The following TBC1D5 variants were observed in gnomAD, a reference collection of about 807,000 sequenced individuals.
TBC1D5 encodes TBC1 domain family member 5.
A neutral mutation model predicts 100.3 loss-of-function variants in TBC1D5; 75 were observed. The observed-to-expected ratio is 0.75, with a 90% CI of 0.62 to 0.91. The LOEUF is 0.91. Ranked by LOEUF, TBC1D5 falls within the 40% of genes least tolerant of loss-of-function variation. The pLI is 0.00. For synonymous variants in TBC1D5, 323 were observed against 325.6 expected (o/e 0.99, Z 0.09); for missense variants, 910 against 942.4 (o/e 0.97, Z 0.45).
chr3:17,341,874 T>A (rs2089009718), intron 13 of TBC1D5, among the ~76,000 whole-genome samples: 1 of 152,168 alleles, frequency 6.6e-6, no homozygotes, highest in Non-Finnish European at 1.5e-5. Flanking sequence ...TTTATCTTCT[T>A]CCATAGTAGT....
intron 18 of TBC1D5, 69 bp downstream of exon 19, chr3:17,214,138 G>C: frequency 6.7e-7 from 1 of 1,492,880 alleles, no homozygotes. Context: ...CACTAACAGA[G>C]CTTTCATAAA....
chr3:17,280,111 G>A (rs2080421865), intron 15 of TBC1D5, among the ~76,000 whole-genome samples: 2 of 152,158 alleles, frequency 1.3e-5, no homozygotes, highest in African/African-American at 2.4e-5. Context: ...TTGTCTTCAC[G>A]GAGTTGATAT....
At chr3:17,424,020 A>T (rs2094280687) in intron 4 of TBC1D5, among the ~76,000 whole-genome samples, 1 of 151,620 alleles carries the variant, frequency 6.6e-6, no homozygotes, top group Admixed American at 6.6e-5. Flanking sequence ...TATATTGGGA[A>T]TTATGACATT....
intron 2 of TBC1D5, among the ~76,000 whole-genome samples, chr3:17,596,560 C>T (rs1335483164): frequency 2.0e-5 from 3 of 151,258 alleles, no homozygotes; most frequent in Non-Finnish European, 4.4e-5. Flanking sequence ...CCTCGTGATC[C>T]GCCCACCTTG....
chr3:17,531,942 A>G (rs2096232490), intron 2 of TBC1D5, among the ~76,000 whole-genome samples: 1 of 152,216 alleles, frequency 6.6e-6, no homozygotes, highest in African/African-American at 2.4e-5. Context: ...CTTCATGTCT[A>G]AAACACCAAA....
chr3:17,295,576 T>C (rs1166256815), intron 14 of TBC1D5, among the ~76,000 whole-genome samples: 1 of 152,232 alleles, frequency 6.6e-6, no homozygotes, highest in Non-Finnish European at 1.5e-5. Context: ...AAAGTAACTG[T>C]TTTGAGAAAG....
chr3:17,297,635 T>A, intron 14 of TBC1D5, among the ~76,000 whole-genome samples: 1 of 151,950 alleles, frequency 6.6e-6, no homozygotes, highest in East Asian at 1.9e-4. Flanking sequence ...CAGGCTATAG[T>A]CCAGTAGCAT....
chr3:17,161,785 C>T (rs926640236), intron 21 of TBC1D5, among the ~76,000 whole-genome samples: 1 of 152,224 alleles, frequency 6.6e-6, no homozygotes, highest in African/African-American at 2.4e-5. Flanking sequence ...CTATTACTGG[C>T]TAGAAGGATA....
In TBC1D5 at chr3:17,374,619, T is replaced by C; in HGVS notation, c.752+10A>G. On this transcript the variant is annotated intron_variant, in intron 11 of 21. Coordinates refer to ENST00000253692, the Ensembl canonical transcript of TBC1D5. Reference sequence around the variant, plus strand: ...TAAAAAAATAAAACAAAGAAAGTTTTTGTACTTACTAGGCATCATGTTCCA... The same window carrying C: ...TAAAAAAATAAAACAAAGAAAGTTTCTGTACTTACTAGGCATCATGTTCCA... 2 of 1,611,020 alleles carry C rather than the reference T, an allele frequency of 1.2e-6. No individual in the cohort carries two copies. Among genetic ancestry groups the C allele is most frequent in the Non-Finnish European group, 1.7e-6 (2 of 1,179,096 alleles).
intron 5 of TBC1D5, 136 bp downstream of exon 5, chr3:17,406,282 A>T (rs530444147): frequency 1.4e-6 from 1 of 693,280 alleles, no homozygotes; most frequent in Non-Finnish European, 2.4e-6. Flanking sequence ...TGAAAGATAA[A>T]CATAGATGGT....
chr3:17,645,858 T>C (rs1364540042), intron 1 of TBC1D5, among the ~76,000 whole-genome samples: 2 of 152,074 alleles, frequency 1.3e-5, no homozygotes, highest in Admixed American at 6.6e-5. Context: ...AGCACCAGCA[T>C]TCTCTCAGGA....
chr3:17,323,852 G>C (rs1252472699), intron 13 of TBC1D5, among the ~76,000 whole-genome samples: 1 of 152,030 alleles, frequency 6.6e-6, no homozygotes, highest in Non-Finnish European at 1.5e-5. Flanking sequence ...AAGAGCAAAG[G>C]ACTAAAAATA....
chr3:17,483,610 C>T (rs2095525361), intron 3 of TBC1D5, among the ~76,000 whole-genome samples: 1 of 152,032 alleles, frequency 6.6e-6, no homozygotes, highest in Non-Finnish European at 1.5e-5. Context: ...GCAATAATTA[C>T]AAAACTCACA....
intron 13 of TBC1D5, among the ~76,000 whole-genome samples, chr3:17,325,965 C>T (rs573561324): frequency 1.5e-4 from 23 of 151,922 alleles, no homozygotes; most frequent in South Asian, 1.0e-3. Flanking sequence ...GAGAATTTTT[C>T]GAAAAACCTA....
intron 13 of TBC1D5, among the ~76,000 whole-genome samples, chr3:17,341,489 C>A (rs1210558349): frequency 1.3e-5 from 2 of 152,116 alleles, no homozygotes; most frequent in African/African-American, 2.4e-5. Flanking sequence ...AGGTACCGCG[C>A]CTGGCCTAAA....
At chr3:17,369,405 A>T (rs1350015046) in intron 13 of TBC1D5, among the ~76,000 whole-genome samples, 2 of 152,052 alleles carry the variant, frequency 1.3e-5, no homozygotes, top group African/African-American at 4.8e-5. Context: ...TTTTTTTTGT[A>T]TATTATGATT....
upstream of TBC1D5, chr3:17,742,518 A>AATC (rs1491002633): frequency 3.0e-4 from 45 of 152,478 alleles, no homozygotes; most frequent in African/African-American, 1.0e-3. Context: ...CTATTCCCTG[A>AATC]ATCCTCCTCC....
At chr3:17,427,419 T>G (rs947868350) in intron 4 of TBC1D5, among the ~76,000 whole-genome samples, 1 of 151,912 alleles carries the variant, frequency 6.6e-6, no homozygotes, top group Non-Finnish European at 1.5e-5. Context: ...GGCCCAACTC[T>G]AGATGTTAAA....
intron 2 of TBC1D5, among the ~76,000 whole-genome samples, chr3:17,565,654 G>T (rs999186841): frequency 6.6e-6 from 1 of 151,820 alleles, no homozygotes; most frequent in Non-Finnish European, 1.5e-5. Flanking sequence ...ATGATATTTC[G>T]CATGCTTTAA....
Sources: gnomAD v4.1 joint callset for allele counts (sites outside exome capture counted in the v4.1 genomes callset) on GRCh38, gnomAD v4.1.1 for gene constraint, MANE v1.5 for transcripts, NCBI Gene and HGNC (gene_info 2026-07-23, HGNC 2026-07-21) for gene names.